CCDC7: variants seen among roughly 807,000 people sequenced by gnomAD.
CCDC7 encodes the protein coiled-coil domain containing 7.
CCDC7 carries 183 observed loss-of-function variants against 196.9 expected under a neutral mutation model. That is an observed-to-expected ratio of 0.93 (90% confidence interval 0.82 to 1.05). The LOEUF (loss-of-function observed/expected upper bound fraction) is 1.05. Among genes scored for constraint, CCDC7 ranks in the 50% least tolerant of loss-of-function variants. The pLI is 0.00. For missense variants in CCDC7, 1,540 were observed against 1,482.2 expected (o/e 1.04, Z -0.64); for synonymous variants, 525 against 484.6 (o/e 1.08, Z -1.10).
chr10:32,759,844 T>A lies in CCDC7; in HGVS notation c.2906-19133T>A, dbSNP rs1409375613. Among the ~76,000 whole-genome samples, 8 of 152,056 alleles carry A rather than the reference T, an allele frequency of 5.3e-5. No individual in the cohort carries two copies. In the East Asian group the frequency reaches 7.8e-4, roughly 15 times the overall value. ...GGGAGAAAATTTTTGCAACCTACTC[T>A]TCTGACAAAGGGCTAATATCCAGAA... On this transcript the variant is annotated intron_variant, in intron 28 of 41. Coordinates refer to ENST00000639629, the Ensembl canonical transcript of CCDC7.
chr10:32,823,164 A>G (rs1262727355), intron 31 of CCDC7, among the ~76,000 whole-genome samples: 1 of 149,658 alleles, frequency 6.7e-6, no homozygotes, highest in Non-Finnish European at 1.5e-5. Context: ...TTTTTTTGAG[A>G]TGGTGTCTTG....
rs1000623571 is a variant in CCDC7 at position 32,800,423 on chromosome 10, A to G, written c.3014-4592A>G. ...GCATTCTGGCACTGGGGAAATGACC[A>G]CAGGGTGAGTCCAAGGACCCACTGG... On this transcript the variant is annotated intron_variant, in intron 29 of 41. Coordinates refer to ENST00000639629, the Ensembl canonical transcript of CCDC7. Among the ~76,000 whole-genome samples the G allele has an allele frequency of 2.0e-5, 3 of 152,266 alleles. No individual in the cohort carries two copies. In the East Asian group the frequency reaches 5.8e-4, roughly 29 times the overall value.
chr10:32,598,233 G>A (rs7909649), intron 18 of CCDC7, among the ~76,000 whole-genome samples: 6,972 of 152,176 alleles, frequency 0.046, 532 homozygotes, highest in African/African-American at 0.16. Context: ...CCTCACTGTC[G>A]CCTTGCAGTT....
chr10:32,533,322 C>T (rs977398428), intron 11 of CCDC7, among the ~76,000 whole-genome samples: 1 of 150,510 alleles, frequency 6.6e-6, no homozygotes, highest in Admixed American at 6.7e-5. Context: ...ACTAAGTTGT[C>T]TCAATTTATG....
intron 9 of CCDC7, among the ~76,000 whole-genome samples, chr10:32,506,943 CT>C (rs1216579445): frequency 2.0e-5 from 3 of 152,162 alleles, no homozygotes; most frequent in African/African-American, 7.2e-5. Context: ...AATCTCTCTT[CT>C]TATATAAGTA....
chr10:32,647,906 C>T (rs893898561), intron 20 of CCDC7, among the ~76,000 whole-genome samples: 1 of 152,216 alleles, frequency 6.6e-6, no homozygotes, highest in Non-Finnish European at 1.5e-5. Flanking sequence ...TTTGCCAAGG[C>T]CTATGCCAAG....
At chr10:32,568,151 C>T (rs981560966) in intron 15 of CCDC7, among the ~76,000 whole-genome samples, 2 of 151,838 alleles carry the variant, frequency 1.3e-5, no homozygotes, top group Admixed American at 6.6e-5. Context: ...GGATTACAGG[C>T]ATGCGCCACC....
chr10:32,586,090 C>G (rs190809881), intron 18 of CCDC7, among the ~76,000 whole-genome samples: 40 of 152,306 alleles, frequency 2.6e-4, no homozygotes, highest in Middle Eastern at 6.8e-3. Flanking sequence ...GATGATATCT[C>G]ATTGTGGTTT....
At chr10:32,727,285 T>C (rs926904212) in intron 26 of CCDC7, among the ~76,000 whole-genome samples, 4 of 152,134 alleles carry the variant, frequency 2.6e-5, no homozygotes, top group African/African-American at 9.7e-5. Flanking sequence ...TGAAGGCTTG[T>C]TGGTTAGCCC....
intron 39 of CCDC7, among the ~76,000 whole-genome samples, chr10:32,849,433 G>A (rs1430690424): frequency 6.6e-6 from 1 of 151,858 alleles, no homozygotes; most frequent in Admixed American, 6.6e-5. Flanking sequence ...GGCCCGGCGC[G>A]GTGGCTCACA....
intron 41 of CCDC7, among the ~76,000 whole-genome samples, chr10:32,863,679 G>T (rs1009652042): frequency 6.6e-6 from 1 of 151,820 alleles, no homozygotes; most frequent in African/African-American, 2.4e-5. Flanking sequence ...AAATGGTGCT[G>T]GGAAAACTGG....
intron 18 of CCDC7, among the ~76,000 whole-genome samples, chr10:32,584,777 AGAT>A (rs1336606683): frequency 4.9e-5 from 7 of 143,698 alleles, no homozygotes; most frequent in Admixed American, 1.4e-4. Context: ...AAAAAAAAAA[AGAT>A]TGGTGAGTTA....
In CCDC7 at chr10:32,516,715, A is replaced by G. The variant is rs370113803; in HGVS notation, c.873-1230A>G. Among the ~76,000 whole-genome samples the G allele has an allele frequency of 4.6e-5, 7 of 152,346 alleles. No individual in the cohort carries two copies. The East Asian group carries it at 1.3e-3, about 29-fold the overall frequency. ...ATGTAGAGAGATTGGGAACCTCATA[A>G]TGGGAATTTAAATTATGTATCTGCT... On this transcript the variant is annotated intron_variant, in intron 9 of 41. Transcript: ENST00000639629.
chr10:32,637,171 C>T (rs1317203447), intron 20 of CCDC7, among the ~76,000 whole-genome samples: 2 of 152,112 alleles, frequency 1.3e-5, no homozygotes, highest in African/African-American at 2.4e-5. Flanking sequence ...TTCTCCCATT[C>T]TGTAGGCTGC....
chr10:32,588,577 A>G (rs1032168063), intron 18 of CCDC7, among the ~76,000 whole-genome samples: 1 of 152,012 alleles, frequency 6.6e-6, no homozygotes, highest in African/African-American at 2.4e-5. Context: ...TTTTTTGAGA[A>G]GTTTTGCATC....
chr10:32,523,067 T>G (rs2048114299), intron 11 of CCDC7, among the ~76,000 whole-genome samples: 1 of 152,230 alleles, frequency 6.6e-6, no homozygotes, highest in Non-Finnish European at 1.5e-5. Context: ...TTAAGACTTG[T>G]TTTGTGACCT....
intron 30 of CCDC7, among the ~76,000 whole-genome samples, chr10:32,813,048 T>C (rs1295731717): frequency 6.6e-6 from 1 of 152,132 alleles, no homozygotes; most frequent in African/African-American, 2.4e-5. Context: ...GGTGTCATAA[T>C]GCAACCATTT....
Position 32,782,919 on chromosome 10 carries a change from C to T in CCDC7, c.3013+3835C>T, listed in dbSNP as rs554494095. Among the ~76,000 whole-genome samples the T allele has an allele frequency of 2.0e-4, 31 of 152,280 alleles. No individual in the cohort carries two copies. In the South Asian group the frequency reaches 5.0e-3, roughly 24 times the overall value. On this transcript the variant is annotated intron_variant, in intron 29 of 41. Transcript: ENST00000639629. ...GGTAAGAAGGCAGTCTTTCCACAAA[C>T]GGTGCTTTCACAAAAAGACAGTCTT...
At position 32,543,292 on chromosome 10, in the gene CCDC7, T is replaced by G. The variant is rs1352029000; in HGVS notation, c.994-8T>G. On this transcript the variant is annotated splice_polypyrimidine_tract_variant and splice_region_variant and intron_variant, in intron 11 of 41. Transcript: ENST00000639629. ...CCCTTTATTTCTGGCTTATGTAAAA[T>G]TATACAGAAAACTAAGCCTACAAAT... is the stretch of plus-strand genomic sequence containing the variant. 1.4e-6 allele frequency: 2 copies of G among 1,407,332 alleles called. No homozygotes were observed. Among genetic ancestry groups the G allele is most frequent in the South Asian group, 3.3e-5 (2 of 61,208 alleles). The allele number at this position is 1,407,332 out of a possible 1,614,324, so 87.2% of individuals were successfully genotyped here. A position where few individuals can be genotyped will look rare whatever the true frequency, so the allele number is the denominator to read the frequency against.
Sources: gnomAD v4.1 joint callset for allele counts (sites outside exome capture counted in the v4.1 genomes callset) on GRCh38, gnomAD v4.1.1 for gene constraint, MANE v1.5 for transcripts, NCBI Gene and HGNC (gene_info 2026-07-23, HGNC 2026-07-21) for gene names.